The following NMD3 variants were observed in gnomAD, a reference collection of about 807,000 sequenced individuals.
The protein encoded by NMD3 is NMD3 ribosome export adaptor.
A neutral mutation model predicts 73.1 loss-of-function variants in NMD3; 47 were observed. The observed-to-expected ratio is 0.64, with a 90% CI of 0.51 to 0.82. NMD3 has a LOEUF of 0.82. Ranked by LOEUF, NMD3 falls within the 40% of genes least tolerant of loss-of-function variation. The pLI is 0.00. For synonymous variants in NMD3, 210 were observed against 194.5 expected (o/e 1.08, Z -0.66); for missense variants, 554 against 612.5 (o/e 0.90, Z 1.01).
intron 9 of NMD3, among the ~76,000 whole-genome samples, chr3:161,239,557 TA>T (rs1387760858): frequency 6.6e-6 from 1 of 152,182 alleles, no homozygotes; most frequent in Non-Finnish European, 1.5e-5. Flanking sequence ...TCTCATCTCA[TA>T]ATAACTGAGG....
At chr3:161,241,849 T>A (rs1310831159) in intron 10 of NMD3, among the ~76,000 whole-genome samples, 1 of 152,180 alleles carries the variant, frequency 6.6e-6, no homozygotes, top group Non-Finnish European at 1.5e-5. Context: ...AACATTTAGT[T>A]TGAATATGAA....
At position 161,247,336 on chromosome 3, in the gene NMD3, G is replaced by C; in HGVS notation, c.1203+6G>C. ...CAGATAGAGTTCCAGATGTGGTAAGGCTTTAGATTTTTCCCTTTTTTCCTG... is the reference window on the plus strand; with the variant it reads ...CAGATAGAGTTCCAGATGTGGTAAGCCTTTAGATTTTTCCCTTTTTTCCTG... On this transcript the variant is annotated splice_donor_region_variant and intron_variant, in intron 13 of 15. Transcript: ENST00000351193. The C allele has an allele frequency of 6.3e-7, 1 of 1,593,882 alleles. No individual in the cohort carries two copies. The highest frequency in any genetic ancestry group is 8.6e-7 in the Non-Finnish European group (1 of 1,162,334).
At chr3:161,244,639 CTTT>C (rs11336851) in intron 11 of NMD3, among the ~76,000 whole-genome samples, 8,960 of 128,808 alleles carry the variant, frequency 0.07, 409 homozygotes, top group South Asian at 0.19. Flanking sequence ...ATTTCTTTTC[CTTT>C]TTTTTTTTTT....
chr3:161,226,702 A>G (rs926881268), intron 3 of NMD3, among the ~76,000 whole-genome samples: 17 of 152,220 alleles, frequency 1.1e-4, no homozygotes, highest in Non-Finnish European at 2.2e-4. Context: ...CTTAAAGCAC[A>G]TATGTAAGAG....
At chr3:161,238,413 G>C (rs1736849893) in intron 8 of NMD3, among the ~76,000 whole-genome samples, 1 of 152,186 alleles carries the variant, frequency 6.6e-6, no homozygotes, top group Admixed American at 6.5e-5. Context: ...ATATTGAAAG[G>C]TACTATTAGT....
At chr3:161,222,281 C>A (rs1014544171) in intron 2 of NMD3, among the ~76,000 whole-genome samples, 12 of 152,012 alleles carry the variant, frequency 7.9e-5, no homozygotes, top group Non-Finnish European at 1.3e-4. Context: ...TACCATACAT[C>A]CTTTTAGATC....
chr3:161,246,172 TA>T (rs1296774123), intron 11 of NMD3, among the ~76,000 whole-genome samples, 163 bp from the exon 12 acceptor site: 1 of 152,228 alleles, frequency 6.6e-6, no homozygotes, highest in Non-Finnish European at 1.5e-5. Flanking sequence ...CATGATTCAG[TA>T]ATTTGTTAAT....
At chr3:161,249,804 A>T (rs1737407197) in intron 14 of NMD3, 5 of 506,132 alleles carry the variant, frequency 9.9e-6, no homozygotes, top group Non-Finnish European at 1.8e-5. Context: ...ATTCATTTGA[A>T]AAGTTAAAAT....
At chr3:161,230,892 G>A (rs1736514471) in intron 4 of NMD3, among the ~76,000 whole-genome samples, 1 of 152,172 alleles carries the variant, frequency 6.6e-6, no homozygotes, top group African/African-American at 2.4e-5. Flanking sequence ...AGATGTTTGA[G>A]GAGAGAGCGG....
rs1382585189 is a variant in NMD3 at position 161,238,163 on chromosome 3, G to A, written c.628G>A (p.Glu210Lys). The change falls in exon 8 of 16, where the codon GAA (glutamate) becomes AAA (lysine). Residue 210 changes from glutamate (E) to lysine (K), a missense_variant. Coordinates refer to ENST00000351193, the MANE Select transcript of NMD3 (RefSeq NM_015938.5). The stretch of plus-strand genomic sequence containing the variant: ...AAAACAACATGCTCAGAAGATGGTC[G>A]AATTTCTTCAGTGTACAGTTCCCTG... Reference protein sequence around the residue: ...SSKQHAQKMVEFLQCTVPCRY... With the variant: ...SSKQHAQKMVKFLQCTVPCRY... The A allele has an allele frequency of 1.2e-6, 2 of 1,605,454 alleles. No homozygotes were observed. The highest frequency in any genetic ancestry group is 1.7e-6 in the Non-Finnish European group (2 of 1,176,022).
At chr3:161,241,252 C>G in intron 10 of NMD3, 89 bp downstream of exon 10, 1 of 815,790 alleles carries the variant, frequency 1.2e-6, no homozygotes, top group Admixed American at 2.2e-5. Context: ...AGCATTCTTG[C>G]TAATATTGTT....
intron 6 of NMD3, 80 bp downstream of exon 6, chr3:161,234,935 C>A: frequency 6.9e-7 from 1 of 1,454,052 alleles, no homozygotes; most frequent in Non-Finnish European, 9.6e-7. Flanking sequence ...CTTTCTAAAT[C>A]CAGGGATAGT....
intron 13 of NMD3, 137 bp downstream of exon 13, chr3:161,247,467 T>A: frequency 2.0e-6 from 1 of 502,486 alleles, no homozygotes. Context: ...TAAGGTATAA[T>A]AGCAAAATTT....
intron 7 of NMD3, among the ~76,000 whole-genome samples, chr3:161,235,774 A>G (rs997301761): frequency 1.3e-5 from 2 of 152,094 alleles, no homozygotes; most frequent in African/African-American, 4.8e-5. Context: ...CCATTTTCCA[A>G]GAAAAACCAT....
At chr3:161,249,409 G>C (rs1323407806) in intron 13 of NMD3, 45 bp from the exon 14 acceptor site, 2 of 1,307,688 alleles carry the variant, frequency 1.5e-6, no homozygotes, top group African/African-American at 3.0e-5. Context: ...TGGCCTCACT[G>C]TATAGTTCCC....
chr3:161,227,629 A>G (rs1348080757), intron 4 of NMD3, among the ~76,000 whole-genome samples: 1 of 151,560 alleles, frequency 6.6e-6, no homozygotes, highest in Admixed American at 6.6e-5. Context: ...TTGTATTTTT[A>G]GTAGAGACAG....
rs867871708 is a variant in NMD3, at chr3:161,222,193, T to C, written c.44+136T>C. The C allele has an allele frequency of 4.2e-5, 30 of 714,416 alleles. No homozygotes were observed. In the African/African-American group the frequency reaches 5.0e-4, roughly 12 times the overall value. 44.3% of individuals were successfully genotyped at this position (714,416 alleles called of 1,614,324 possible). A position where few individuals can be genotyped will look rare whatever the true frequency, so the allele number is the denominator to read the frequency against. On this transcript the variant is annotated intron_variant, in intron 2 of 15. Coordinates refer to ENST00000351193, the MANE Select transcript of NMD3 (RefSeq NM_015938.5). ...TAAATGGGAAAAAATAGAAGTCTTATTTCTGTAGAAAATCGAATTAGTTTC... is the reference window on the plus strand; with the variant it reads ...TAAATGGGAAAAAATAGAAGTCTTACTTCTGTAGAAAATCGAATTAGTTTC...
At position 161,225,085 on chromosome 3, in the gene NMD3, G is replaced by C. The variant is rs769486183; in HGVS notation, c.179+21G>C. 6.9e-6 allele frequency: 11 copies of C among 1,597,104 alleles called. No individual in the cohort carries two copies. In the South Asian group the frequency reaches 1.2e-4, roughly 18 times the overall value. ...CAAAGGTACAGTGCGGTACAATTTTGCTCTTTTTAAAGTTGGAATTTACAT... is the reference window on the plus strand; with the variant it reads ...CAAAGGTACAGTGCGGTACAATTTTCCTCTTTTTAAAGTTGGAATTTACAT... On this transcript the variant is annotated intron_variant, in intron 3 of 15. Transcript: ENST00000351193.
intron 10 of NMD3, 23 bp from the exon 11 acceptor site, chr3:161,242,485 T>G: frequency 6.3e-7 from 1 of 1,598,900 alleles, no homozygotes. Context: ...TCTTATGTTT[T>G]TGTGTTCTAT....
Sources: allele counts gnomAD v4.1 joint callset (sites outside exome capture counted in the v4.1 genomes callset), GRCh38; gene constraint gnomAD v4.1.1; transcripts MANE v1.5; gene names NCBI Gene and HGNC (gene_info 2026-07-23, HGNC 2026-07-21).